Variants in IQUB observed in about 807,000 individuals in gnomAD.
IQUB encodes the protein IQ motif and ubiquitin-like domain-containing protein.
Under a neutral mutation model 86.4 loss-of-function variants are expected in IQUB, and 86 were observed. That is an observed-to-expected ratio of 1.00 (90% CI 0.84 to 1.19). IQUB has a LOEUF of 1.19. Among genes scored for constraint, IQUB ranks in the 50% most tolerant of loss-of-function variants. IQUB has a pLI of 0.00. For synonymous variants in IQUB, 289 were observed against 304.5 expected (o/e 0.95, Z 0.53); for missense variants, 946 against 916.9 (o/e 1.03, Z -0.41).
At chr7:123,477,945 A>G (rs1584575875) in intron 8 of IQUB, among the ~76,000 whole-genome samples, 3 of 152,122 alleles carry the variant, frequency 2.0e-5, no homozygotes, top group Admixed American at 1.3e-4. Context: ...GAAACAACAG[A>G]TGCTGGAGAG....
intron 10 of IQUB, among the ~76,000 whole-genome samples, chr7:123,463,318 CA>C (rs1383206967): frequency 6.6e-6 from 1 of 151,662 alleles, no homozygotes; most frequent in African/African-American, 2.4e-5. Context: ...TCAATTTACC[CA>C]AAAACTCATA....
Position 123,471,607 on chromosome 7 carries a change from T to C in IQUB, c.1411-2223A>G, listed in dbSNP as rs185301464. On this transcript the variant is annotated intron_variant, in intron 8 of 12. Transcript: ENST00000324698. ...TTACCTATCACATTGTATTTTTCAG[T>C]TGATAGACTGATTTAACTCTGTTTT... Among the ~76,000 whole-genome samples, 238 of 151,828 alleles carry C rather than the reference T, an allele frequency of 1.6e-3. 3 individuals carry two copies. Among genetic ancestry groups the C allele is most frequent in the Non-Finnish European group, 1.5e-3 (102 of 67,956 alleles).
rs1562874671 is a variant in IQUB at position 123,520,702 on chromosome 7, A to G, written c.-4-8358T>C. 3.3e-5 allele frequency among the ~76,000 whole-genome samples: 5 copies of G among 152,138 alleles called. No homozygotes were observed. The South Asian group carries it at 1.0e-3, about 32-fold the overall frequency. ...GAGAGGGCATTAGATTGTGGAAGGT[A>G]GGGGAGTGGGAAGCTGGTAGGACAT... On this transcript the variant is annotated intron_variant, in intron 1 of 12. Transcript: ENST00000324698.
At chr7:123,502,327 C>T in intron 6 of IQUB, 1 of 393,682 alleles carries the variant, frequency 2.5e-6, no homozygotes, top group Non-Finnish European at 4.5e-6. Flanking sequence ...CAAGGGACAG[C>T]AGTGTTGAGA....
intron 6 of IQUB, among the ~76,000 whole-genome samples, chr7:123,498,371 AC>A (rs1795796763): frequency 6.6e-6 from 1 of 152,202 alleles, no homozygotes; most frequent in African/African-American, 2.4e-5. Context: ...TCAAAACAAA[AC>A]AAAATACAAG....
chr7:123,453,719 A>G (rs1264985874), intron 12 of IQUB, among the ~76,000 whole-genome samples: 2 of 152,128 alleles, frequency 1.3e-5, no homozygotes, highest in East Asian at 3.8e-4. Context: ...TTCTTGTTAC[A>G]TAAGAAAACT....
intron 11 of IQUB, among the ~76,000 whole-genome samples, chr7:123,460,938 T>A (rs1793948521): frequency 6.6e-6 from 1 of 151,706 alleles, no homozygotes; most frequent in African/African-American, 2.4e-5. Context: ...ATATCAACAC[T>A]TTACATAGAC....
chr7:123,496,817 C>A lies in IQUB; in HGVS notation c.1113G>T (p.Trp371Cys). The change falls in exon 7 of 13, where the codon TGG becomes TGT. Residue 371 changes from tryptophan (W) to cysteine (C), a missense_variant. Transcript: ENST00000324698. ...TCTTCCTTAGTTCTTGCTGTGTTTC[C>A]CATTCCAGTCTTAAGCTTTTCTGTC... Reference protein sequence around the residue: ...LRRQKSLRLEWETQQELRKIR... With the variant: ...LRRQKSLRLECETQQELRKIR... 6.2e-7 allele frequency: 1 copy of A among 1,612,338 alleles called. No individual in the cohort carries two copies. Among genetic ancestry groups the A allele is most frequent in the Non-Finnish European group, 8.5e-7 (1 of 1,179,120 alleles).
chr7:123,473,701 G>T (rs561498782), intron 8 of IQUB, among the ~76,000 whole-genome samples: 17 of 150,956 alleles, frequency 1.1e-4, no homozygotes, highest in Admixed American at 2.0e-4. Context: ...TCAGCCTCCC[G>T]AGTAGCTGGG....
At chr7:123,500,000 C>T (rs1216320821) in intron 6 of IQUB, among the ~76,000 whole-genome samples, 1 of 152,218 alleles carries the variant, frequency 6.6e-6, no homozygotes, top group Non-Finnish European at 1.5e-5. Flanking sequence ...CACTGCTACA[C>T]TCCCACCAGC....
intron 12 of IQUB, among the ~76,000 whole-genome samples, chr7:123,455,956 A>G (rs1016360841): frequency 6.6e-6 from 1 of 152,098 alleles, no homozygotes; most frequent in Non-Finnish European, 1.5e-5. Flanking sequence ...TTAACTTGCA[A>G]GTATTTTTTT....
intron 8 of IQUB, among the ~76,000 whole-genome samples, chr7:123,470,031 C>T (rs1189425057): frequency 6.6e-6 from 1 of 152,146 alleles, no homozygotes; most frequent in Non-Finnish European, 1.5e-5. Context: ...CCTAGCCCAC[C>T]TCCTAAATGA....
intron 1 of IQUB, among the ~76,000 whole-genome samples, chr7:123,533,641 G>C (rs1797641506): frequency 6.6e-6 from 1 of 152,168 alleles, no homozygotes; most frequent in Non-Finnish European, 1.5e-5. Context: ...AGACAGATCT[G>C]TAAATATTGA....
At chr7:123,480,121 A>G in intron 7 of IQUB, 151 bp from the exon 8 acceptor site, 1 of 621,368 alleles carries the variant, frequency 1.6e-6, no homozygotes, top group Non-Finnish European at 2.7e-6. Flanking sequence ...GCATGAAAAA[A>G]GTGACGAAAT....
chr7:123,524,745 G>A (rs1349176944), intron 1 of IQUB, among the ~76,000 whole-genome samples: 2 of 148,554 alleles, frequency 1.3e-5, no homozygotes, highest in Non-Finnish European at 3.0e-5. Context: ...ATGTTGAATA[G>A]GAGTGGTGAG....
chr7:123,486,186 C>T (rs1183814467), intron 7 of IQUB, among the ~76,000 whole-genome samples: 3 of 152,136 alleles, frequency 2.0e-5, no homozygotes, highest in African/African-American at 4.8e-5. Flanking sequence ...CCACCAATTA[C>T]TTGAAACTGG....
chr7:123,507,417 C>T (rs1431589769), intron 3 of IQUB, among the ~76,000 whole-genome samples: 1 of 152,172 alleles, frequency 6.6e-6, no homozygotes, highest in Non-Finnish European at 1.5e-5. Context: ...GTAGGTTAGG[C>T]TTACTAAATG....
intron 6 of IQUB, among the ~76,000 whole-genome samples, chr7:123,497,443 GGA>G (rs1795753235): frequency 6.6e-6 from 1 of 151,894 alleles, no homozygotes; most frequent in Non-Finnish European, 1.5e-5. Context: ...AGGTATGTGT[GGA>G]AACCACCAAA....
chr7:123,518,477 A>C (rs1057221356), intron 1 of IQUB, among the ~76,000 whole-genome samples: 3 of 152,198 alleles, frequency 2.0e-5, no homozygotes, highest in Non-Finnish European at 4.4e-5. Flanking sequence ...TCAAGGTCCT[A>C]AATGATCTAG....
Sources: gnomAD v4.1 joint callset for allele counts (sites outside exome capture counted in the v4.1 genomes callset) on GRCh38, gnomAD v4.1.1 for gene constraint, MANE v1.5 for transcripts, NCBI Gene and HGNC (gene_info 2026-07-23, HGNC 2026-07-21) for gene names.